ZBTB46: variants seen among roughly 807,000 people sequenced by gnomAD.
ZBTB46 encodes zinc finger and BTB domain containing 46.
In ZBTB46, 8 loss-of-function variants were observed where a neutral mutation model predicts 44.1. The observed-to-expected ratio is 0.18, with a 90% CI of 0.11 to 0.33. The LOEUF is 0.33. Among genes scored for constraint, ZBTB46 ranks in the 10% least tolerant of loss-of-function variants. The pLI is 1.00. For synonymous variants in ZBTB46, 409 were observed against 382.3 expected, an observed-to-expected ratio of 1.07 and a Z score of -0.81; for missense variants, 651 against 847.7, an observed-to-expected ratio of 0.77 and a Z score of 2.88.
At chr20:63,820,167 C>T (rs1245206460) in intron 1 of ZBTB46, among the ~76,000 whole-genome samples, 3 of 152,090 alleles carry the variant, frequency 2.0e-5, no homozygotes, top group Non-Finnish European at 4.4e-5. Context: ...GATTTCGGCT[C>T]ACTGCAAGCT....
At chr20:63,789,749 C>G (rs1428142995) in intron 2 of ZBTB46, 72 bp downstream of exon 2, 4 of 1,534,902 alleles carry the variant, frequency 2.6e-6, no homozygotes, top group Non-Finnish European at 3.5e-6. Context: ...GTCACTGCCT[C>G]CGCACAGCAC....
chr20:63,801,867 C>T (rs925054622), intron 1 of ZBTB46, among the ~76,000 whole-genome samples: 1 of 152,174 alleles, frequency 6.6e-6, no homozygotes, highest in Non-Finnish European at 1.5e-5. Flanking sequence ...CAGCTCCACC[C>T]AAGAGTTCGA....
intron 3 of ZBTB46, among the ~76,000 whole-genome samples, chr20:63,759,109 A>G (rs1482071981): frequency 6.6e-6 from 1 of 151,968 alleles, no homozygotes; most frequent in South Asian, 2.1e-4. Flanking sequence ...TATCTTCTTT[A>G]ATTTCTCCCA....
intron 2 of ZBTB46, among the ~76,000 whole-genome samples, chr20:63,780,979 A>AG (rs2092464885): frequency 6.7e-6 from 1 of 149,018 alleles, no homozygotes; most frequent in East Asian, 2.0e-4. Flanking sequence ...AAAAAAAAAA[A>AG]AAAATACAAA....
At chr20:63,789,425 G>T (rs1055204008) in intron 2 of ZBTB46, among the ~76,000 whole-genome samples, 1 of 152,178 alleles carries the variant, frequency 6.6e-6, no homozygotes, top group Admixed American at 6.5e-5. Context: ...CCCCAGTCAG[G>T]GCTCATGGGA....
At position 63,805,536 on chromosome 20, in the gene ZBTB46, T is replaced by G. The variant is rs2092675743; in HGVS notation, c.-33-14746A>C. Reference sequence around the variant, plus strand: ...ACAGGCAGAAACTGGAGTGACAAAGTCACAAGCCAAAGGATGCCTGGAGCC... The same window carrying G: ...ACAGGCAGAAACTGGAGTGACAAAGGCACAAGCCAAAGGATGCCTGGAGCC... On this transcript the variant is annotated intron_variant, in intron 1 of 4. Transcript: ENST00000245663. 3.3e-5 allele frequency among the ~76,000 whole-genome samples: 5 copies of G among 151,568 alleles called. No homozygotes were observed. The South Asian group carries it at 1.0e-3, about 31-fold the overall frequency.
chr20:63,778,304 GGA>G (rs1000833062), intron 2 of ZBTB46, among the ~76,000 whole-genome samples: 1 of 152,204 alleles, frequency 6.6e-6, no homozygotes, highest in African/African-American at 2.4e-5. Context: ...AGGGCTTTGT[GGA>G]GTACCCTCCC....
chr20:63,823,229 T>C (rs2092802172), intron 1 of ZBTB46, among the ~76,000 whole-genome samples: 1 of 151,238 alleles, frequency 6.6e-6, no homozygotes, highest in Non-Finnish European at 1.5e-5. Flanking sequence ...AGTGGCTCAC[T>C]GTCATCCCGG....
chr20:63,755,749 A>G (rs1242667197), intron 3 of ZBTB46, among the ~76,000 whole-genome samples: 1 of 152,238 alleles, frequency 6.6e-6, no homozygotes, highest in Admixed American at 6.5e-5. Flanking sequence ...TACAGTCTAT[A>G]TATCTTAGAA....
chr20:63,775,323 G>A (rs907516747), intron 3 of ZBTB46: 1 of 216,302 alleles, frequency 4.6e-6, no homozygotes, highest in Non-Finnish European at 9.1e-6. Flanking sequence ...CCGGCAGGGG[G>A]CGCCCGAGCC....
chr20:63,778,214 A>C (rs1161073584), intron 2 of ZBTB46, among the ~76,000 whole-genome samples: 1 of 152,152 alleles, frequency 6.6e-6, no homozygotes, highest in African/African-American at 2.4e-5. Context: ...TCTATTTAAC[A>C]ACAACAACAA....
At chr20:63,766,473 C>T (rs1028451271) in intron 3 of ZBTB46, among the ~76,000 whole-genome samples, 10 of 151,776 alleles carry the variant, frequency 6.6e-5, no homozygotes, top group Admixed American at 2.0e-4. Context: ...ACCTTGGCCT[C>T]CCAAAGTGCT....
At chr20:63,758,987 C>T (rs1036418526) in intron 3 of ZBTB46, among the ~76,000 whole-genome samples, 2 of 152,212 alleles carry the variant, frequency 1.3e-5, no homozygotes, top group African/African-American at 4.8e-5. Flanking sequence ...CCGCCTCGGC[C>T]TCCCAAAGTG....
Position 63,746,817 on chromosome 20 carries a change from G to A in ZBTB46, c.*113C>T. On this transcript the variant is annotated 3_prime_UTR_variant, in exon 5 of 5. Coordinates refer to ENST00000245663, the MANE Select transcript of ZBTB46 (RefSeq NM_001369741.1). ...TGGGGGGTGGGTTCAGGGGGAAGCA[G>A]AGGAGGGGCCGCGAGAGGGGTGAGC... 7.1e-7 allele frequency: 1 copy of A among 1,401,492 alleles called. No individual in the cohort carries two copies. Among genetic ancestry groups the A allele is most frequent in the Middle Eastern group, 2.6e-4 (1 of 3,862 alleles). 86.8% of individuals were successfully genotyped at this position (1,401,492 alleles called of 1,614,324 possible).
At chr20:63,814,229 T>C in intron 1 of ZBTB46, among the ~76,000 whole-genome samples, 1 of 116,556 alleles carries the variant, frequency 8.6e-6, no homozygotes, top group African/African-American at 3.4e-5. Context: ...CAAGACTCCG[T>C]CTCAAAAAAA....
intron 1 of ZBTB46, among the ~76,000 whole-genome samples, chr20:63,796,442 T>C (rs575679077): frequency 6.6e-6 from 1 of 152,238 alleles, no homozygotes; most frequent in Non-Finnish European, 1.5e-5. Flanking sequence ...CAACTCACAC[T>C]GTTTTACCAC....
At chr20:63,784,249 G>C (rs1336664987) in intron 2 of ZBTB46, among the ~76,000 whole-genome samples, 1 of 152,192 alleles carries the variant, frequency 6.6e-6, no homozygotes, top group Non-Finnish European at 1.5e-5. Context: ...AGGCAGGCCG[G>C]CCTGGTCCAA....
At chr20:63,831,612 G>A (rs1332652281), upstream of ZBTB46, among the ~76,000 whole-genome samples, 4 of 148,788 alleles carry the variant, frequency 2.7e-5, no homozygotes, top group Non-Finnish European at 4.5e-5. Context: ...CGGCGCGGGG[G>A]TCCCCCTGGC....
chr20:63,806,407 C>CAAAAAAAAAAAAAAAA (rs58233169), intron 1 of ZBTB46, among the ~76,000 whole-genome samples: 1 of 91,468 alleles, frequency 1.1e-5, no homozygotes, highest in African/African-American at 4.0e-5. Context: ...AACTCCATCT[C>CAAAAAAAAAAAAAAAA]AAAAAAAAAA....
Sources: allele counts gnomAD v4.1 joint callset (sites outside exome capture counted in the v4.1 genomes callset), GRCh38; gene constraint gnomAD v4.1.1; transcripts MANE v1.5; gene names NCBI Gene and HGNC (gene_info 2026-07-23, HGNC 2026-07-21).